The following SH3PXD2B variants were observed in gnomAD, a reference collection of about 807,000 sequenced individuals.
SH3PXD2B encodes the protein SH3 and PX domain-containing protein 2B.
In SH3PXD2B, 37 loss-of-function variants were observed where a neutral mutation model predicts 73.1. The ratio of observed to expected loss-of-function variants is 0.51; its 90% CI spans 0.39 to 0.67. The LOEUF (loss-of-function observed/expected upper bound fraction) is 0.67. SH3PXD2B is among the 30% of genes least tolerant of loss of function. The probability of loss-of-function intolerance (pLI) is 0.00; values close to 1 mark genes in which losing one functional copy is unlikely to be tolerated. For missense variants in SH3PXD2B, 1,053 were observed against 1,197.8 expected (o/e 0.88, Z 1.78); for synonymous variants, 457 against 480.5 (o/e 0.95, Z 0.64).
chr5:172,339,477 C>G lies in SH3PXD2B; in HGVS notation c.1628G>C (p.Arg543Pro). The part of the protein sequence containing the change: ...EGELLERERE[R>P]QRTEQLRGPT... ...GCCCCGGAGCTGCTCCGTCCTCTGC[C>G]GCTCCCGCTCCCGCTCCAGCAGCTC... is the stretch of plus-strand genomic sequence containing the variant. Residue 543 changes from arginine (R) to proline (P), a missense_variant, in exon 13 of 13, where the codon CGG becomes CCG. Around this residue, in one of 2 missense-constraint regions of SH3PXD2B, gnomAD observed 587 missense variants for 590.7 expected, o/e 0.99. Coordinates refer to ENST00000311601, the MANE Select transcript of SH3PXD2B (RefSeq NM_001017995.3). The surrounding 1 kb of genome is among the most constrained non-coding windows in gnomAD (Gnocchi z 6.1). 6.2e-7 allele frequency: 1 copy of G among 1,610,664 alleles called. No individual in the cohort carries two copies. Among genetic ancestry groups the G allele is most frequent in the Non-Finnish European group, 8.5e-7 (1 of 1,179,640 alleles).
At chr5:172,439,692 GCACACACA>G (rs367799974) in intron 1 of SH3PXD2B, among the ~76,000 whole-genome samples, 2,967 of 138,590 alleles carry the variant, frequency 0.021, 101 homozygotes, top group African/African-American at 0.066. Context: ...GCACGCGCGC[GCACACACA>G]CACACACACA....
At chr5:172,400,839 C>T (rs756217699) in intron 3 of SH3PXD2B, among the ~76,000 whole-genome samples, 3 of 152,282 alleles carry the variant, frequency 2.0e-5, no homozygotes, top group Non-Finnish European at 2.9e-5. Context: ...GGTTCGGGCT[C>T]GAGAAGGAAT....
intron 7 of SH3PXD2B, among the ~76,000 whole-genome samples, chr5:172,361,170 T>C (rs1290831222): frequency 1.3e-5 from 2 of 151,894 alleles, no homozygotes; most frequent in Non-Finnish European, 2.9e-5. Context: ...AGTACCTGTG[T>C]ATGTGTGAGT....
chr5:172,441,002 G>A (rs1236292613), intron 1 of SH3PXD2B, among the ~76,000 whole-genome samples: 22 of 152,180 alleles, frequency 1.4e-4, no homozygotes, highest in Admixed American at 1.4e-3. Context: ...GTAAGCAAGA[G>A]TGAGCTCCAC....
chr5:172,445,992 G>A lies in SH3PXD2B; in HGVS notation c.75+8286C>T, dbSNP rs929683099. On this transcript the variant is annotated intron_variant, in intron 1 of 12. Transcript: ENST00000311601. The surrounding 1 kb of genome is among the most constrained non-coding windows in gnomAD (Gnocchi z 5.2). ...AGGCAGCCACACGAGCCCTGCCCCC[G>A]GCCCACTGCTGGAGGCACTGAGCCT... Among the ~76,000 whole-genome samples, 1 of 152,208 alleles carries A rather than the reference G, an allele frequency of 6.6e-6. No homozygotes were observed. Among genetic ancestry groups the A allele is most frequent in the Admixed American group, 6.5e-5 (1 of 15,286 alleles).
At chr5:172,347,111 C>T (rs533210475) in intron 11 of SH3PXD2B, among the ~76,000 whole-genome samples, 172 bp downstream of exon 11, 32 of 152,304 alleles carry the variant, frequency 2.1e-4, no homozygotes, top group African/African-American at 6.5e-4. Context: ...CCTGCACCTC[C>T]GTCTTTCCAC....
intron 6 of SH3PXD2B, among the ~76,000 whole-genome samples, chr5:172,365,764 G>A (rs1235159517): frequency 1.3e-5 from 2 of 152,126 alleles, no homozygotes; most frequent in African/African-American, 4.8e-5. Context: ...GAACCACCTG[G>A]CACTTACTAG....
At position 172,334,391 on chromosome 5, in the gene SH3PXD2B, C is replaced by A; in HGVS notation, c.*3978G>T. 1 of 990,788 alleles carries A rather than the reference C, an allele frequency of 1.0e-6. No individual in the cohort carries two copies. Among genetic ancestry groups the A allele is most frequent in the Non-Finnish European group, 1.2e-6 (1 of 834,142 alleles). The allele number at this position is 990,788 out of a possible 1,614,324, so 61.4% of individuals were successfully genotyped here. ...GAGGGCGCCCTGCACCCTCAGGCCT[C>A]GATGCATGCTGCTCTACCTCTCATC... On this transcript the variant is annotated 3_prime_UTR_variant, in exon 13 of 13. Coordinates refer to ENST00000311601, the MANE Select transcript of SH3PXD2B (RefSeq NM_001017995.3).
At chr5:172,345,193 G>C (rs933598470) in intron 12 of SH3PXD2B, among the ~76,000 whole-genome samples, 4 of 151,104 alleles carry the variant, frequency 2.6e-5, no homozygotes, top group African/African-American at 4.8e-5. Flanking sequence ...CAGGAAGGAA[G>C]GGAGGGGCCC....
chr5:172,408,716 G>A (rs1345526441), intron 2 of SH3PXD2B, among the ~76,000 whole-genome samples: 1 of 151,550 alleles, frequency 6.6e-6, no homozygotes, highest in Admixed American at 6.6e-5. Flanking sequence ...TAGAGACGGG[G>A]TTTTACCATG....
Position 172,338,154 on chromosome 5 carries a change from T to A in SH3PXD2B, c.*215A>T. 2.1e-6 allele frequency: 3 copies of A among 1,446,918 alleles called. No individual in the cohort carries two copies. 89.6% of individuals were successfully genotyped at this position (1,446,918 alleles called of 1,614,324 possible). A position where few individuals can be genotyped will look rare whatever the true frequency, so the allele number is the denominator to read the frequency against. On this transcript the variant is annotated 3_prime_UTR_variant, in exon 13 of 13. Transcript: ENST00000311601. This position sits in a 1 kb window ranked among gnomAD's most constrained non-coding sequence, Gnocchi z 5.1. ...GACAGAAAGCAAAGGCTGTGGGTTC[T>A]GAGCCTCCAGTGATGCTGTGATAGG...
Position 172,339,595 on chromosome 5 carries a change from C to T in SH3PXD2B, c.1510G>A (p.Ala504Thr). ...VLRKASSDMSASAGYEEISDP... is the reference protein window; with the variant it reads ...VLRKASSDMSTSAGYEEISDP... Reference sequence around the variant, plus strand: ...GAGATCTCCTCGTAGCCTGCTGACGCAGACATGTCTGAAGATGCCTTCCTC... The same window carrying T: ...GAGATCTCCTCGTAGCCTGCTGACGTAGACATGTCTGAAGATGCCTTCCTC... Residue 504 changes from alanine (A) to threonine (T), a missense_variant, in exon 13 of 13, where the codon GCG becomes ACG. Ala to Thr is a moderately conservative substitution (Grantham distance 58, BLOSUM62 0). This residue lies in a region of SH3PXD2B where 587 missense variants were observed against 590.7 expected (regional missense o/e 0.99). Transcript: ENST00000311601. The surrounding 1 kb of genome is among the most constrained non-coding windows in gnomAD (Gnocchi z 6.1). 1.2e-6 allele frequency: 2 copies of T among 1,614,262 alleles called. No individual in the cohort carries two copies. Among genetic ancestry groups the T allele is most frequent in the Non-Finnish European group, 1.7e-6 (2 of 1,180,054 alleles).
At chr5:172,435,360 G>C (rs954814438) in intron 1 of SH3PXD2B, among the ~76,000 whole-genome samples, 2 of 152,182 alleles carry the variant, frequency 1.3e-5, no homozygotes, top group African/African-American at 4.8e-5. Flanking sequence ...GTGCTGGTAA[G>C]ATTGAGAATG....
intron 1 of SH3PXD2B, among the ~76,000 whole-genome samples, chr5:172,453,184 G>A (rs1237572780): frequency 1.3e-5 from 2 of 151,852 alleles, no homozygotes; most frequent in African/African-American, 4.8e-5. Context: ...GCCAGCCAAC[G>A]CCCTTTTCTA....
chr5:172,325,528 C>T, intron 12 of SH3PXD2B: 2 of 593,388 alleles, frequency 3.4e-6, no homozygotes, highest in Non-Finnish European at 5.9e-6. Context: ...TCTCACAGTT[C>T]TAGGGTCTAG....
chr5:172,383,905 G>C (rs2731723), intron 4 of SH3PXD2B, among the ~76,000 whole-genome samples: 55,405 of 150,314 alleles, frequency 0.37, 10,631 homozygotes, highest in East Asian at 0.68. Flanking sequence ...GGAGTGCTGT[G>C]GTGCTATCTT....
chr5:172,442,416 C>T (rs991933265), intron 1 of SH3PXD2B, among the ~76,000 whole-genome samples: 1 of 152,146 alleles, frequency 6.6e-6, no homozygotes, highest in Non-Finnish European at 1.5e-5. Flanking sequence ...ATCAAACATC[C>T]TTTGGACAAA....
intron 2 of SH3PXD2B, among the ~76,000 whole-genome samples, chr5:172,416,053 C>T (rs1310680827): frequency 1.3e-5 from 2 of 152,256 alleles, no homozygotes; most frequent in Middle Eastern, 3.4e-3. Flanking sequence ...TCCAGCCGGG[C>T]GCGGTGGCTC....
At chr5:172,327,752 GTTTTTTTT>G (rs3053146) in intron 12 of SH3PXD2B, among the ~76,000 whole-genome samples, 48 of 142,400 alleles carry the variant, frequency 3.4e-4, no homozygotes, top group South Asian at 4.3e-4. Context: ...CTGCAACTGG[GTTTTTTTT>G]TTTTTTTTTT....
Sources: allele counts gnomAD v4.1 joint callset (sites outside exome capture counted in the v4.1 genomes callset), GRCh38; gene constraint gnomAD v4.1.1; regional missense constraint gnomAD v4.1.1; non-coding constraint Gnocchi (gnomAD v3.1); transcripts MANE v1.5; gene names NCBI Gene and HGNC (gene_info 2026-07-23, HGNC 2026-07-21).